Variants in PCDHA5 observed in about 807,000 individuals in gnomAD.
PCDHA5 encodes the protein protocadherin alpha-5.
Under a neutral mutation model 61.6 loss-of-function variants are expected in PCDHA5, and 43 were observed. The observed-to-expected ratio is 0.70, with a 90% CI of 0.55 to 0.90. The LOEUF (loss-of-function observed/expected upper bound fraction) is 0.90. PCDHA5 is among the 40% of genes least tolerant of loss of function. The pLI is 0.00. For synonymous variants in PCDHA5, 627 were observed against 543.9 expected (o/e 1.15, Z -2.13); for missense variants, 1,298 against 1,222.7 (o/e 1.06, Z -0.92).
intron 1 of PCDHA5, among the ~76,000 whole-genome samples, chr5:140,978,203 C>T (rs1231262283): frequency 6.6e-6 from 1 of 152,178 alleles, no homozygotes; most frequent in East Asian, 1.9e-4. Context: ...CAATACACAA[C>T]TAATGCAAAA....
At chr5:140,852,583 T>C in intron 1 of PCDHA5, 2 of 394,934 alleles carry the variant, frequency 5.1e-6, no homozygotes, top group Non-Finnish European at 6.7e-6. Context: ...GGCTTTTTTA[T>C]TTTTTTTTTT....
intron 1 of PCDHA5, chr5:140,929,227 G>T (rs141300036): frequency 1.2e-6 from 2 of 1,613,774 alleles, no homozygotes; most frequent in Non-Finnish European, 1.7e-6. Context: ...CAATGCTGCC[G>T]ACCTGCGAAA....
chr5:140,977,324 C>T (rs1035502087), intron 1 of PCDHA5, among the ~76,000 whole-genome samples: 5 of 152,102 alleles, frequency 3.3e-5, no homozygotes, highest in Non-Finnish European at 4.4e-5. Context: ...CTCCTGATGG[C>T]GAGGGGAGAG....
Position 140,822,191 on chromosome 5 carries a change from T to C in PCDHA5, c.416T>C (p.Leu139Ser). ...AGGTTCTCCAGACAAGAACAAAGAT[T>C]ATTCATTTTAGAGTCAAGAATGCCA... ...PPRFSRQEQRLFILESRMPDS... is the reference protein window; with the variant it reads ...PPRFSRQEQRSFILESRMPDS... Residue 139 changes from leucine (L) to serine (S), a missense_variant, in exon 1 of 4, where the codon TTA becomes TCA. Physicochemically the swap from Leu to Ser is moderately radical, Grantham distance 145. Transcript: ENST00000529859. 1 of 1,614,246 alleles carries C rather than the reference T, an allele frequency of 6.2e-7. No homozygotes were observed. Among genetic ancestry groups the C allele is most frequent in the Non-Finnish European group, 8.5e-7 (1 of 1,180,046 alleles).
intron 2 of PCDHA5, among the ~76,000 whole-genome samples, chr5:140,981,053 A>T (rs1422870263): frequency 6.6e-6 from 1 of 152,206 alleles, no homozygotes; most frequent in Non-Finnish European, 1.5e-5. Flanking sequence ...AGATAATTCT[A>T]GAGTGTAGAC....
intron 3 of PCDHA5, among the ~76,000 whole-genome samples, chr5:141,000,194 G>A (rs2097896080): frequency 6.6e-6 from 1 of 151,746 alleles, no homozygotes; most frequent in South Asian, 2.1e-4. Context: ...TGTGAGAATA[G>A]TTTTTCACCT....
intron 1 of PCDHA5, among the ~76,000 whole-genome samples, chr5:140,976,765 C>T (rs1483381591): frequency 6.6e-6 from 1 of 152,172 alleles, no homozygotes; most frequent in Non-Finnish European, 1.5e-5. Context: ...CAGAAGCCTG[C>T]TAGACTCTGA....
chr5:140,917,359 A>G (rs2078164580), intron 1 of PCDHA5, among the ~76,000 whole-genome samples: 3 of 142,606 alleles, frequency 2.1e-5, no homozygotes, highest in South Asian at 2.2e-4. Flanking sequence ...CTTCTGTTCC[A>G]CTATCTTGCT....
At chr5:140,919,014 A>G (rs1008657889) in intron 1 of PCDHA5, among the ~76,000 whole-genome samples, 1 of 152,184 alleles carries the variant, frequency 6.6e-6, no homozygotes, top group Non-Finnish European at 1.5e-5. Context: ...TTCATTTCCT[A>G]GTGATCTTCT....
At chr5:140,951,766 C>T (rs372624744) in intron 1 of PCDHA5, among the ~76,000 whole-genome samples, 78 of 152,240 alleles carry the variant, frequency 5.1e-4, no homozygotes, top group African/African-American at 1.6e-3. Context: ...AATCTCATGA[C>T]GTTCTTACAT....
At chr5:140,849,860 C>A in intron 1 of PCDHA5, 1 of 1,598,548 alleles carries the variant, frequency 6.3e-7, no homozygotes, top group South Asian at 1.1e-5. Flanking sequence ...CACCAGCGTT[C>A]GCGCAGTCCG....
chr5:140,830,449 G>A (rs138463634), intron 1 of PCDHA5: 9 of 1,596,848 alleles, frequency 5.6e-6, no homozygotes, highest in East Asian at 4.5e-5. Context: ...TGGGTAAGGC[G>A]GAGAATCAGG....
chr5:140,878,313 AT>A (rs2057535405), intron 1 of PCDHA5, among the ~76,000 whole-genome samples: 1 of 152,186 alleles, frequency 6.6e-6, no homozygotes, highest in Non-Finnish European at 1.5e-5. Flanking sequence ...CAATCTAGAC[AT>A]TTTCACATTA....
At position 140,822,094 on chromosome 5, in the gene PCDHA5, G is replaced by A; in HGVS notation, c.319G>A (p.Val107Met). ...RRAECSIHLEVIVDRPLQVFH... is the reference protein window; with the variant it reads ...RRAECSIHLEMIVDRPLQVFH... ...GGCGGAGTGCAGCATCCACCTGGAGGTGATCGTGGACAGGCCGCTGCAGGT... is the reference window on the plus strand; with the variant it reads ...GGCGGAGTGCAGCATCCACCTGGAGATGATCGTGGACAGGCCGCTGCAGGT... The change falls in exon 1 of 4, where the codon GTG (valine) becomes ATG (methionine). Residue 107 changes from valine (V) to methionine (M), a missense_variant. Physicochemically the swap from Val to Met is conservative, Grantham distance 21 (BLOSUM62 1). Transcript: ENST00000529859. 2 of 1,614,270 alleles carry A rather than the reference G, an allele frequency of 1.2e-6. No individual in the cohort carries two copies. Among genetic ancestry groups the A allele is most frequent in the Non-Finnish European group, 1.7e-6 (2 of 1,180,052 alleles).
intron 1 of PCDHA5, among the ~76,000 whole-genome samples, chr5:140,963,325 C>T (rs1156299692): frequency 2.0e-5 from 3 of 152,156 alleles, no homozygotes; most frequent in Non-Finnish European, 4.4e-5. Flanking sequence ...ATTAGAATTA[C>T]ACAGATAAAT....
chr5:140,850,888 A>T, intron 1 of PCDHA5: 1 of 1,581,398 alleles, frequency 6.3e-7, no homozygotes, highest in Non-Finnish European at 8.6e-7. Context: ...TCAACTGGGA[A>T]GGTGGGTTTT....
intron 1 of PCDHA5, among the ~76,000 whole-genome samples, chr5:140,924,668 G>T (rs2081943079): frequency 6.6e-6 from 1 of 152,142 alleles, no homozygotes; most frequent in Non-Finnish European, 1.5e-5. Context: ...GCCGAGGCAG[G>T]CCAATCACTT....
intron 1 of PCDHA5, among the ~76,000 whole-genome samples, chr5:140,921,752 C>T (rs1429216387): frequency 6.6e-6 from 1 of 152,130 alleles, no homozygotes; most frequent in Non-Finnish European, 1.5e-5. Context: ...TAACAGGACA[C>T]TTCTTGGCTA....
Position 140,843,438 on chromosome 5 carries a change from C to A in PCDHA5, c.2352+19311C>A, listed in dbSNP as rs2150359947. 1.3e-4 allele frequency: 208 copies of A among 1,596,096 alleles called. 21 individuals are homozygous for A. The South Asian group carries it at 1.5e-3, about 11-fold the overall frequency. Reference sequence around the variant, plus strand: ...GTGTACCTGATCATCGCCATCTGCGCGGTATCCAGCCTGCTGGTGCTCACG... The same window carrying A: ...GTGTACCTGATCATCGCCATCTGCGAGGTATCCAGCCTGCTGGTGCTCACG... On this transcript the variant is annotated intron_variant, in intron 1 of 3. Transcript: ENST00000529859.
Sources: allele counts gnomAD v4.1 joint callset (sites outside exome capture counted in the v4.1 genomes callset), GRCh38; gene constraint gnomAD v4.1.1; transcripts MANE v1.5; gene names NCBI Gene and HGNC (gene_info 2026-07-23, HGNC 2026-07-21).